Variants in NKIRAS1 observed in about 807,000 individuals in gnomAD.
NKIRAS1 encodes the protein NFKB inhibitor interacting Ras like 1, also known as NF-kappa-B inhibitor-interacting Ras-like protein 1.
NKIRAS1 carries 16 observed loss-of-function variants against 19.8 expected under a neutral mutation model. That is an observed-to-expected ratio of 0.81 (90% CI 0.55 to 1.23). The LOEUF (loss-of-function observed/expected upper bound fraction) is 1.23, where lower values mean the gene tolerates loss of function less well. Among genes scored for constraint, NKIRAS1 ranks in the 50% most tolerant of loss-of-function variants. NKIRAS1 has a pLI of 0.00. For synonymous variants in NKIRAS1, 88 were observed against 79.0 expected (o/e 1.11, Z -0.61); for missense variants, 184 against 220.0 (o/e 0.84, Z 1.04).
chr3:23,942,922 A>AT (rs1705533607), intron 1 of NKIRAS1, among the ~76,000 whole-genome samples: 1 of 151,680 alleles, frequency 6.6e-6, no homozygotes, highest in African/African-American at 2.4e-5. Context: ...TAATTTTTGT[A>AT]TTTTTTGTAG....
At chr3:23,894,971 T>C (rs927456505) in intron 4 of NKIRAS1, among the ~76,000 whole-genome samples, 1 of 152,304 alleles carries the variant, frequency 6.6e-6, no homozygotes, top group East Asian at 1.9e-4. Context: ...CTCTTATTCT[T>C]TGACTTCTCC....
chr3:23,943,638 T>A (rs1705552520), intron 1 of NKIRAS1, among the ~76,000 whole-genome samples: 1 of 152,252 alleles, frequency 6.6e-6, no homozygotes, highest in South Asian at 2.1e-4. Context: ...AGACTGTTCA[T>A]ATTAACCTCA....
At chr3:23,946,000 C>T (rs1242615565) in intron 1 of NKIRAS1, 4 of 659,150 alleles carry the variant, frequency 6.1e-6, no homozygotes, top group East Asian at 1.4e-4. Context: ...ACCCACATTC[C>T]CCGGGGCCGC....
intron 3 of NKIRAS1, among the ~76,000 whole-genome samples, chr3:23,907,169 C>A (rs1703150238): frequency 6.6e-6 from 1 of 152,200 alleles, no homozygotes; most frequent in East Asian, 1.9e-4. Context: ...GCTGGGATTA[C>A]AGGCGTGAGC....
chr3:23,900,784 G>A, intron 4 of NKIRAS1, 24 bp downstream of exon 4: 1 of 1,590,802 alleles, frequency 6.3e-7, no homozygotes, highest in Non-Finnish European at 8.6e-7. Flanking sequence ...ATTCACATTT[G>A]GCATTTTTAA....
chr3:23,928,999 TAAAA>T (rs539612913), intron 1 of NKIRAS1, among the ~76,000 whole-genome samples: 2 of 122,552 alleles, frequency 1.6e-5, no homozygotes. Flanking sequence ...TCCATCTCTT[TAAAA>T]AAAAAAAAAA....
chr3:23,907,837 G>T (rs1428684640), intron 3 of NKIRAS1, among the ~76,000 whole-genome samples: 2 of 152,120 alleles, frequency 1.3e-5, no homozygotes, highest in African/African-American at 4.8e-5. Context: ...AAGCATTTCT[G>T]CATGCAATTA....
At chr3:23,919,206 G>C (rs2125255748), upstream of NKIRAS1, 1 of 1,613,662 alleles carries the variant, frequency 6.2e-7, no homozygotes, top group Non-Finnish European at 8.5e-7. Context: ...GAGCGAGCTG[G>C]ACGCCACTGT....
chr3:23,898,600 C>T (rs568958827), intron 4 of NKIRAS1, among the ~76,000 whole-genome samples: 10 of 152,086 alleles, frequency 6.6e-5, no homozygotes, highest in African/African-American at 1.2e-4. Flanking sequence ...TGTGCTACCA[C>T]GCCAGGCTAA....
At chr3:23,920,050 T>G (rs907903453), upstream of NKIRAS1, 9 of 986,186 alleles carry the variant, frequency 9.1e-6, no homozygotes, top group Non-Finnish European at 1.1e-5. Context: ...ATTCAGTGAT[T>G]AGTGGTAATG....
At chr3:23,907,943 A>C (rs1403542499) in intron 3 of NKIRAS1, among the ~76,000 whole-genome samples, 1 of 152,226 alleles carries the variant, frequency 6.6e-6, no homozygotes, top group African/African-American at 2.4e-5. Context: ...AAAACTATGT[A>C]TTTACAATAT....
chr3:23,897,485 A>AT (rs2125364210), intron 4 of NKIRAS1, among the ~76,000 whole-genome samples: 2 of 152,338 alleles, frequency 1.3e-5, no homozygotes, highest in South Asian at 2.1e-4. Context: ...AACTTAAGCC[A>AT]TATCATGTCA....
chr3:23,900,769 T>G, intron 4 of NKIRAS1, 39 bp downstream of exon 4: 1 of 1,539,984 alleles, frequency 6.5e-7, no homozygotes, highest in Non-Finnish European at 9.0e-7. Context: ...TTAAATGGTA[T>G]TATAATTCAC....
upstream of NKIRAS1, chr3:23,919,005 G>T: frequency 5.0e-6 from 3 of 604,364 alleles, no homozygotes; most frequent in South Asian, 4.1e-5. Context: ...TTCAGTCTAT[G>T]TGTGTTGTTT....
At chr3:23,941,304 G>A (rs1246596597) in intron 1 of NKIRAS1, among the ~76,000 whole-genome samples, 1 of 152,078 alleles carries the variant, frequency 6.6e-6, no homozygotes, top group Non-Finnish European at 1.5e-5. Context: ...TTGAGTTTGG[G>A]ATAAGAGGAC....
intron 1 of NKIRAS1, among the ~76,000 whole-genome samples, chr3:23,943,940 A>G (rs113912221): frequency 7.3e-4 from 108 of 148,448 alleles, no homozygotes; most frequent in African/African-American, 1.5e-3. Context: ...TCAGCAGAGT[A>G]ATCAGATCTT....
chr3:23,919,565 G>C, upstream of NKIRAS1: 2 of 1,440,442 alleles, frequency 1.4e-6, no homozygotes, highest in African/African-American at 1.4e-5. Context: ...TCTGCTTACA[G>C]GTGTTATTTG....
chr3:23,939,768 A>C (rs1486023849), intron 1 of NKIRAS1, among the ~76,000 whole-genome samples: 2 of 152,096 alleles, frequency 1.3e-5, no homozygotes, highest in East Asian at 1.9e-4. Flanking sequence ...AACAAACAAA[A>C]AACAAAAAAG....
At chr3:23,909,210 T>A (rs1703390497) in intron 3 of NKIRAS1, among the ~76,000 whole-genome samples, 1 of 152,062 alleles carries the variant, frequency 6.6e-6, no homozygotes, top group Admixed American at 6.5e-5. Context: ...GCAGAGCACA[T>A]AGAAATGGTT....
Sources: gnomAD v4.1 joint callset for allele counts (sites outside exome capture counted in the v4.1 genomes callset) on GRCh38, gnomAD v4.1.1 for gene constraint, MANE v1.5 for transcripts, NCBI Gene and HGNC (gene_info 2026-07-23, HGNC 2026-07-21) for gene names.